The following CLMN variants were observed in gnomAD, a reference collection of about 807,000 sequenced individuals.
CLMN encodes the protein calmin.
Under a neutral mutation model 92.7 loss-of-function variants are expected in CLMN, and 57 were observed. The observed-to-expected ratio is 0.61, with a 90% CI of 0.50 to 0.77. CLMN has a LOEUF of 0.77. Among genes scored for constraint, CLMN ranks in the 30% least tolerant of loss-of-function variants. The probability of loss-of-function intolerance (pLI) is 0.00; values close to 1 mark genes in which losing one functional copy is unlikely to be tolerated. For missense variants in CLMN, 1,158 were observed against 1,237.5 expected (o/e 0.94, Z 0.96); for synonymous variants, 466 against 470.6 (o/e 0.99, Z 0.13).
intron 1 of CLMN, among the ~76,000 whole-genome samples, chr14:95,288,403 G>C (rs1471162512): frequency 6.6e-6 from 1 of 152,214 alleles, no homozygotes; most frequent in Non-Finnish European, 1.5e-5. Flanking sequence ...GCTGGGGAAG[G>C]AACAGTGCGC....
intron 9 of CLMN, among the ~76,000 whole-genome samples, chr14:95,200,079 G>A (rs1896833752): frequency 6.6e-6 from 1 of 152,188 alleles, no homozygotes; most frequent in African/African-American, 2.4e-5. Flanking sequence ...GTCTGAGATA[G>A]AGGCAGAGCC....
At chr14:95,293,599 C>T (rs1900688089) in intron 1 of CLMN, among the ~76,000 whole-genome samples, 1 of 152,128 alleles carries the variant, frequency 6.6e-6, no homozygotes, top group Non-Finnish European at 1.5e-5. Context: ...CTGCTCCCAG[C>T]AGGCAGGAAC....
In CLMN at chr14:95,184,427, C is replaced by T. The variant is rs371681209; in HGVS notation, c.*7137G>A. On this transcript the variant is annotated 3_prime_UTR_variant, in exon 13 of 13. Transcript: ENST00000298912. ...AACAAATTAGCAGTGCGATTGAGGCCGTGGATTGTTGAGGCATGTGTATAT... is the reference window on the plus strand; with the variant it reads ...AACAAATTAGCAGTGCGATTGAGGCTGTGGATTGTTGAGGCATGTGTATAT... 2 of 152,298 alleles carry T rather than the reference C, an allele frequency of 1.3e-5. No homozygotes were observed. The highest frequency in any genetic ancestry group is 4.8e-5 in the African/African-American group (2 of 41,546). The allele number at this position is 152,298 out of a possible 1,614,324, so 9.4% of individuals were successfully genotyped here.
chr14:95,210,937 G>A, intron 6 of CLMN, 58 bp from the exon 7 acceptor site: 1 of 1,465,932 alleles, frequency 6.8e-7, no homozygotes, highest in African/African-American at 1.5e-5. Context: ...ACTCAAAGGT[G>A]CAAGGTCAGC....
chr14:95,248,183 C>T (rs1400367869), intron 1 of CLMN, among the ~76,000 whole-genome samples: 1 of 151,382 alleles, frequency 6.6e-6, no homozygotes, highest in African/African-American at 2.4e-5. Context: ...CAGCTCGTTG[C>T]AATGTATGGG....
intron 1 of CLMN, among the ~76,000 whole-genome samples, chr14:95,299,704 C>A (rs539427766): frequency 1.1e-4 from 16 of 152,298 alleles, no homozygotes; most frequent in African/African-American, 2.9e-4. Context: ...TGATCATCAC[C>A]CTATGCCACC....
chr14:95,234,924 C>T (rs1281573777), intron 1 of CLMN, among the ~76,000 whole-genome samples: 2 of 152,128 alleles, frequency 1.3e-5, no homozygotes, highest in Non-Finnish European at 2.9e-5. Context: ...CCACATTTGC[C>T]CCAAATCTAC....
chr14:95,291,171 T>A (rs888923875), intron 1 of CLMN, among the ~76,000 whole-genome samples: 1 of 152,214 alleles, frequency 6.6e-6, no homozygotes, highest in Admixed American at 6.5e-5. Flanking sequence ...TGTGACAGCG[T>A]CCCTGGTTAC....
At position 95,256,397 on chromosome 14, in the gene CLMN, G is replaced by A. The variant is rs890439714; in HGVS notation, c.83-26264C>T. Among the ~76,000 whole-genome samples the A allele has an allele frequency of 1.3e-5, 2 of 152,218 alleles. No homozygotes were observed. Among genetic ancestry groups the A allele is most frequent in the South Asian group, 2.1e-4 (1 of 4,832 alleles). ...CTTGGCTGAGGAAATTGCTACCAAC[G>A]ACACTGTGACTCAACAGATAATTGC... On this transcript the variant is annotated intron_variant, in intron 1 of 12. Transcript: ENST00000298912. The surrounding 1 kb of genome is among the most constrained non-coding windows in gnomAD (Gnocchi z 4.9).
At chr14:95,261,971 C>T (rs369911957) in intron 1 of CLMN, among the ~76,000 whole-genome samples, 33 of 152,358 alleles carry the variant, frequency 2.2e-4, no homozygotes, top group Middle Eastern at 3.4e-3. Context: ...TTCCTCCAAG[C>T]GGCAGCTTGG....
chr14:95,302,478 G>C (rs1901101949), intron 1 of CLMN, among the ~76,000 whole-genome samples: 1 of 151,996 alleles, frequency 6.6e-6, no homozygotes, highest in South Asian at 2.1e-4. Context: ...AAAAGAAACA[G>C]GGGAAATTGA....
chr14:95,239,342 G>T (rs960752401), intron 1 of CLMN, among the ~76,000 whole-genome samples: 1 of 152,012 alleles, frequency 6.6e-6, no homozygotes, highest in African/African-American at 2.4e-5. Context: ...GAAGGAGATG[G>T]GTAAGAAAAT....
intron 1 of CLMN, among the ~76,000 whole-genome samples, chr14:95,260,196 C>T (rs1286731561): frequency 2.0e-5 from 3 of 152,176 alleles, no homozygotes; most frequent in Non-Finnish European, 2.9e-5. Flanking sequence ...AATCCCAGCA[C>T]TTTGGGAGGC....
intron 1 of CLMN, among the ~76,000 whole-genome samples, chr14:95,242,601 T>A (rs1444410282): frequency 7.5e-6 from 1 of 132,790 alleles, no homozygotes; most frequent in Non-Finnish European, 1.5e-5. Context: ...AGTCTCGCTC[T>A]GTCGCCAGGC....
intron 1 of CLMN, among the ~76,000 whole-genome samples, chr14:95,235,874 C>T (rs926279124): frequency 5.3e-5 from 8 of 152,122 alleles, no homozygotes; most frequent in African/African-American, 1.7e-4. Context: ...CCCAGACGTT[C>T]GGGCATGCAG....
intron 1 of CLMN, among the ~76,000 whole-genome samples, chr14:95,291,526 T>C (rs1900566000): frequency 6.6e-6 from 1 of 152,068 alleles, no homozygotes; most frequent in African/African-American, 2.4e-5. Context: ...CTTCTGCAAA[T>C]AAACACCAAG....
At chr14:95,193,149 T>A (rs1385151595) in intron 12 of CLMN, 6 of 551,416 alleles carry the variant, frequency 1.1e-5, no homozygotes, top group South Asian at 7.6e-5. Context: ...TAAAATTTTT[T>A]AAAAATAAAA....
rs1435707460 is a variant in CLMN, at chr14:95,189,039, AG to A, written c.*2524del. 1 of 151,792 alleles carries A rather than the reference AG, an allele frequency of 6.6e-6. No individual in the cohort carries two copies. The highest frequency in any genetic ancestry group is 1.5e-5 in the Non-Finnish European group (1 of 67,984). The allele number at this position is 151,792 out of a possible 1,614,324, so 9.4% of individuals were successfully genotyped here. ...GCAAATTAATGGGGACATTTGGAGG[AG>A]AAAGGACATGTAACCATAACACACT... On this transcript the variant is annotated 3_prime_UTR_variant, in exon 13 of 13. Transcript: ENST00000298912.
intron 1 of CLMN, among the ~76,000 whole-genome samples, chr14:95,258,948 G>C (rs901404393): frequency 2.7e-5 from 4 of 150,316 alleles, no homozygotes; most frequent in African/African-American, 9.8e-5. Flanking sequence ...TGAGTGAATG[G>C]AGTATGTGTT....
Sources: allele counts gnomAD v4.1 joint callset (sites outside exome capture counted in the v4.1 genomes callset), GRCh38; gene constraint gnomAD v4.1.1; non-coding constraint Gnocchi (gnomAD v3.1); transcripts MANE v1.5; gene names NCBI Gene and HGNC (gene_info 2026-07-23, HGNC 2026-07-21).